The following GABRA1 variants were observed in gnomAD, a reference collection of about 807,000 sequenced individuals.
The protein encoded by GABRA1 is gamma-aminobutyric acid receptor subunit alpha-1.
GABRA1 carries 9 observed loss-of-function variants against 48.9 expected under a neutral mutation model. The ratio of observed to expected loss-of-function variants is 0.18; its 90% confidence interval spans 0.11 to 0.32. GABRA1 has a LOEUF of 0.32. GABRA1 is among the 10% of genes least tolerant of loss of function. The pLI, the probability that GABRA1 is intolerant of heterozygous loss-of-function variation, is 1.00. For missense variants in GABRA1, 285 were observed against 553.8 expected (o/e 0.51, Z 4.87); for synonymous variants, 210 against 198.7 (o/e 1.06, Z -0.48).
At chr5:161,881,141 G>C (rs563952339) in intron 6 of GABRA1, among the ~76,000 whole-genome samples, 2 of 152,286 alleles carry the variant, frequency 1.3e-5, no homozygotes, top group East Asian at 3.9e-4. Context: ...GTGCCTAATG[G>C]AGAAGTTGAC....
chr5:161,854,449 C>T (rs571915268), intron 3 of GABRA1, among the ~76,000 whole-genome samples, 179 bp downstream of exon 3: 6 of 151,586 alleles, frequency 4.0e-5, no homozygotes, highest in Admixed American at 6.6e-5. Context: ...CATATCCATA[C>T]GTAGTAAAAG....
intron 3 of GABRA1, among the ~76,000 whole-genome samples, chr5:161,864,103 G>T (rs1036656872): frequency 2.6e-5 from 4 of 152,024 alleles, no homozygotes; most frequent in Non-Finnish European, 1.5e-5. Flanking sequence ...TATTTTCATT[G>T]TCATAAGCTA....
chr5:161,876,821 G>A (rs1381694438), intron 6 of GABRA1, among the ~76,000 whole-genome samples: 4 of 152,126 alleles, frequency 2.6e-5, no homozygotes, highest in Admixed American at 2.6e-4. Context: ...ATGTCAGATA[G>A]TACATTAAAT....
chr5:161,882,839 A>C (rs1754675378), intron 7 of GABRA1, 138 bp downstream of exon 7: 1 of 840,624 alleles, frequency 1.2e-6, no homozygotes, highest in Non-Finnish European at 2.0e-6. Context: ...GCTGGGAACT[A>C]ATGTAAACTC....
intron 7 of GABRA1, among the ~76,000 whole-genome samples, chr5:161,888,570 A>G (rs906599064): frequency 3.3e-5 from 5 of 152,082 alleles, no homozygotes; most frequent in South Asian, 2.1e-4. Context: ...CATTTTTCTG[A>G]CATTATATAC....
At chr5:161,862,666 TTTACTCATCATTGTA>T (rs1561569794) in intron 3 of GABRA1, among the ~76,000 whole-genome samples, 1 of 151,936 alleles carries the variant, frequency 6.6e-6, no homozygotes, top group Non-Finnish European at 1.5e-5. Context: ...CATTTACAGT[TTTACTCATCATTGTA>T]TTACTGTTAC....
chr5:161,869,592 T>C (rs1754020953), intron 4 of GABRA1, among the ~76,000 whole-genome samples: 1 of 152,202 alleles, frequency 6.6e-6, no homozygotes. Flanking sequence ...TTGTTTTCCA[T>C]AGTGCTTAAA....
At position 161,850,901 on chromosome 5, in the gene GABRA1, A is replaced by T. The variant is rs758005168; in HGVS notation, c.74+17A>T. ...TGGAAGAAGGTGGGGACACTTTTTT[A>T]AAAATCTGCATGAAAATTTCTGTAA... On this transcript the variant is annotated intron_variant, in intron 2 of 9. Transcript: ENST00000393943. The T allele has an allele frequency of 1.2e-6, 2 of 1,600,746 alleles. No homozygotes were observed. Among genetic ancestry groups the T allele is most frequent in the East Asian group, 2.2e-5 (1 of 44,816 alleles).
chr5:161,873,094 C>A, intron 4 of GABRA1, 23 bp from the exon 5 acceptor site: 1 of 1,551,044 alleles, frequency 6.4e-7, no homozygotes, highest in Non-Finnish European at 8.9e-7. Flanking sequence ...GTGAACTCTT[C>A]GTCATTTTCC....
intron 3 of GABRA1, among the ~76,000 whole-genome samples, chr5:161,856,184 TAA>T (rs1254386377): frequency 6.6e-6 from 1 of 151,320 alleles, no homozygotes; most frequent in Non-Finnish European, 1.5e-5. Context: ...CTTGAAGATA[TAA>T]AGATTAGACT....
chr5:161,896,042 G>A (rs879527936), intron 9 of GABRA1, among the ~76,000 whole-genome samples, 174 bp downstream of exon 9: 6 of 152,030 alleles, frequency 3.9e-5, no homozygotes, highest in Non-Finnish European at 8.8e-5. Flanking sequence ...TAAAGGGAGA[G>A]GTCATTTAGG....
intron 2 of GABRA1, 81 bp downstream of exon 2, chr5:161,850,965 A>C: frequency 1.0e-5 from 12 of 1,199,804 alleles, no homozygotes; most frequent in Non-Finnish European, 1.5e-5. Flanking sequence ...AATTGTCCTC[A>C]AATGAATTTA....
At chr5:161,867,510 T>A (rs1196993435) in intron 4 of GABRA1, among the ~76,000 whole-genome samples, 1 of 152,196 alleles carries the variant, frequency 6.6e-6, no homozygotes, top group Non-Finnish European at 1.5e-5. Flanking sequence ...AACAAATTGC[T>A]TAAGCTTCTA....
At chr5:161,891,682 A>G (rs2113449208) in intron 8 of GABRA1, among the ~76,000 whole-genome samples, 1 of 152,314 alleles carries the variant, frequency 6.6e-6, no homozygotes, top group Middle Eastern at 3.4e-3. Context: ...GTATTATTTT[A>G]GAGGGTGCAT....
At chr5:161,853,808 A>G (rs2113305284) in intron 2 of GABRA1, 2 of 166,836 alleles carry the variant, frequency 1.2e-5, no homozygotes, top group South Asian at 1.8e-4. Context: ...TAATTTGGAA[A>G]GAACTTTCCT....
chr5:161,848,331 C>G lies in GABRA1; in HGVS notation c.-107C>G, dbSNP rs1178323747. 1 of 152,476 alleles carries G rather than the reference C, an allele frequency of 6.6e-6. No homozygotes were observed. The highest frequency in any genetic ancestry group is 1.5e-5 in the Non-Finnish European group (1 of 68,396). The allele number at this position is 152,476 out of a possible 1,614,324, so 9.4% of individuals were successfully genotyped here. A position where few individuals can be genotyped will look rare whatever the true frequency, so the allele number is the denominator to read the frequency against. On this transcript the variant is annotated 5_prime_UTR_variant, in exon 1 of 10. Coordinates refer to ENST00000393943, the MANE Select transcript of GABRA1 (RefSeq NM_001127644.2). ...GCTCTGGCGCGCCCGGACTCGGACT[C>G]GCAGACTCGCGCTGGCTCCAGTCTC...
intron 5 of GABRA1, among the ~76,000 whole-genome samples, chr5:161,873,825 T>C (rs1484870854): frequency 6.6e-6 from 1 of 152,144 alleles, no homozygotes; most frequent in African/African-American, 2.4e-5. Flanking sequence ...AGAATATAGA[T>C]ACTATTAATT....
chr5:161,849,964 ATTC>A (rs558602466), intron 1 of GABRA1: 53 of 152,324 alleles, frequency 3.5e-4, no homozygotes, highest in African/African-American at 1.2e-3. Context: ...AGATCCCTTT[ATTC>A]ATGCAAAGCA....
rs1392262946 is a variant in GABRA1 at position 161,882,700 on chromosome 5, A to G, written c.702A>G (p.Thr234=). 3.7e-6 allele frequency: 6 copies of G among 1,613,170 alleles called. No homozygotes were observed. Among genetic ancestry groups the G allele is most frequent in the Non-Finnish European group, 5.1e-6 (6 of 1,179,450 alleles). ...TVDSGIVQSS[T]GEYVVMTTHF... is the part of the protein sequence containing the mutation. ...ACTCTGGAATTGTCCAGTCAAGTAC[A>G]GGTAAGTACGATTTTGTTACTTCAG... Residue 234 remains threonine (T), a splice_region_variant and synonymous_variant, in exon 7 of 10, where the codon ACA becomes ACG. Transcript: ENST00000393943.
Sources: gnomAD v4.1 joint callset for allele counts (sites outside exome capture counted in the v4.1 genomes callset) on GRCh38, gnomAD v4.1.1 for gene constraint, MANE v1.5 for transcripts, NCBI Gene and HGNC (gene_info 2026-07-23, HGNC 2026-07-21) for gene names.